PAK5: variants seen among roughly 807,000 people sequenced by gnomAD.
The protein encoded by PAK5 is p21 (RAC1) activated kinase 5.
In PAK5, 16 loss-of-function variants were observed where a neutral mutation model predicts 65.9. That is an observed-to-expected ratio of 0.24 (90% confidence interval 0.16 to 0.37). The LOEUF (loss-of-function observed/expected upper bound fraction) is 0.37, where lower values mean the gene tolerates loss of function less well. Ranked by LOEUF, PAK5 falls within the 10% of genes least tolerant of loss-of-function variation. PAK5 has a pLI of 1.00. For missense variants in PAK5, 785 were observed against 903.9 expected, an observed-to-expected ratio of 0.87 and a Z score of 1.69; for synonymous variants, 371 against 354.9, an observed-to-expected ratio of 1.05 and a Z score of -0.51.
In PAK5 at chr20:9,612,896, TC is replaced by T. The variant is rs368979101; in HGVS notation, c.204+31228del. Among the ~76,000 whole-genome samples the T allele has an allele frequency of 3.7e-3, 568 of 151,496 alleles. 7 individuals carry two copies. Among genetic ancestry groups the T allele is most frequent in the East Asian group, 0.03 (154 of 5,146 alleles). ...GATGTTTATTAGTTTTTACTGTATC[TC>T]CCCCCCCATTAGACTATACAATCTA... On this transcript the variant is annotated intron_variant, in intron 3 of 9. Coordinates refer to ENST00000353224, the MANE Select transcript of PAK5 (RefSeq NM_177990.4).
chr20:9,558,067 C>T (rs2045538360), intron 6 of PAK5, among the ~76,000 whole-genome samples: 2 of 151,416 alleles, frequency 1.3e-5, no homozygotes, highest in African/African-American at 4.9e-5. Context: ...TTCATTCATT[C>T]ATTCTTTGAG....
At chr20:9,627,312 A>G (rs2046857784) in intron 3 of PAK5, among the ~76,000 whole-genome samples, 1 of 152,308 alleles carries the variant, frequency 6.6e-6, no homozygotes, top group Non-Finnish European at 1.5e-5. Flanking sequence ...CCACCCCTAC[A>G]GACTTCAGAA....
chr20:9,758,218 T>G (rs2048657954), intron 1 of PAK5, among the ~76,000 whole-genome samples: 1 of 152,200 alleles, frequency 6.6e-6, no homozygotes, highest in South Asian at 2.1e-4. Context: ...AAGTCATTTA[T>G]CTGAAAATGT....
intron 3 of PAK5, among the ~76,000 whole-genome samples, chr20:9,584,737 A>G (rs548471290): frequency 2.3e-4 from 35 of 152,360 alleles, no homozygotes; most frequent in African/African-American, 8.2e-4. Context: ...ACTGTTTTTT[A>G]AAAGAAAACA....
At chr20:9,747,940 T>G (rs1366167837) in intron 1 of PAK5, among the ~76,000 whole-genome samples, 281 of 152,218 alleles carry the variant, frequency 1.8e-3, no homozygotes, top group Non-Finnish European at 3.0e-3. Flanking sequence ...GAAAACCCCA[T>G]CGTCTCAGCC....
At chr20:9,570,477 T>C (rs1368297781) in intron 4 of PAK5, among the ~76,000 whole-genome samples, 6 of 111,896 alleles carry the variant, frequency 5.4e-5, no homozygotes. Flanking sequence ...TGTGAGTGTG[T>C]GTGTATGATG....
At chr20:9,605,952 G>A (rs1224611340) in intron 3 of PAK5, among the ~76,000 whole-genome samples, 1 of 152,094 alleles carries the variant, frequency 6.6e-6, no homozygotes, top group African/African-American at 2.4e-5. Flanking sequence ...AGAGAATTTA[G>A]ACAGACTAGA....
At chr20:9,556,307 G>C (rs2045505909) in intron 7 of PAK5, among the ~76,000 whole-genome samples, 2 of 152,224 alleles carry the variant, frequency 1.3e-5, no homozygotes, top group Admixed American at 6.5e-5. Flanking sequence ...GATTAGGAGT[G>C]ATCTTTGTCT....
rs150287951 is a variant in PAK5 at position 9,647,398 on chromosome 20, C to A, written c.-11-3059G>T. On this transcript the variant is annotated intron_variant, in intron 2 of 9. Transcript: ENST00000353224. ...TAGCTATGACCATTTTTTAAAAATG[C>A]AAGATGGAAATTATTTCAGAAACAT... 3.4e-3 allele frequency among the ~76,000 whole-genome samples: 519 copies of A among 152,230 alleles called. 1 individual carries two copies. The highest frequency in any genetic ancestry group is 6.1e-3 in the Non-Finnish European group (412 of 68,006).
intron 2 of PAK5, among the ~76,000 whole-genome samples, chr20:9,654,886 G>A (rs1428713800): frequency 2.0e-5 from 3 of 152,092 alleles, no homozygotes; most frequent in Non-Finnish European, 2.9e-5. Context: ...CAGATCAAAT[G>A]GAACTTCCTT....
At chr20:9,810,465 A>T (rs941075324) in intron 1 of PAK5, among the ~76,000 whole-genome samples, 33 of 152,222 alleles carry the variant, frequency 2.2e-4, no homozygotes, top group African/African-American at 7.7e-4. Flanking sequence ...GGATCCCTTG[A>T]GCCCAGGAAG....
intron 7 of PAK5, among the ~76,000 whole-genome samples, chr20:9,548,108 G>T (rs1603195847): frequency 6.6e-6 from 1 of 152,024 alleles, no homozygotes; most frequent in African/African-American, 2.4e-5. Context: ...TTTTCGTGTC[G>T]CCAATTTTAT....
chr20:9,599,893 G>A (rs751276915), intron 3 of PAK5, among the ~76,000 whole-genome samples: 21 of 151,870 alleles, frequency 1.4e-4, no homozygotes, highest in South Asian at 4.1e-4. Context: ...CGGTGCTTGC[G>A]CTTTTGGTGT....
chr20:9,723,736 G>C (rs893032454), intron 1 of PAK5, among the ~76,000 whole-genome samples: 1 of 152,136 alleles, frequency 6.6e-6, no homozygotes, highest in Non-Finnish European at 1.5e-5. Context: ...CCTGGGCAAA[G>C]GCAGCCTAGA....
rs575015489 is a variant in PAK5, at chr20:9,572,137, T to C, written c.991-5753A>G. Among the ~76,000 whole-genome samples, 3 of 151,336 alleles carry C rather than the reference T, an allele frequency of 2.0e-5. No homozygotes were observed. In the East Asian group the frequency reaches 5.8e-4, roughly 29 times the overall value. ...AGAAATGAGCTAAAAAAAAGAGTAG[T>C]CATCACAGCAAAACGAGTTGATTAT... On this transcript the variant is annotated intron_variant, in intron 4 of 9. Transcript: ENST00000353224.
intron 8 of PAK5, 91 bp downstream of exon 8, chr20:9,544,278 C>T (rs2122892867): frequency 2.2e-6 from 3 of 1,352,968 alleles, no homozygotes; most frequent in East Asian, 4.6e-5. Flanking sequence ...AGTCATTGCC[C>T]CCATCTCCTG....
At chr20:9,668,765 T>G (rs927903195) in intron 2 of PAK5, among the ~76,000 whole-genome samples, 3 of 152,226 alleles carry the variant, frequency 2.0e-5, no homozygotes, top group African/African-American at 7.2e-5. Flanking sequence ...TCTGTTCTAC[T>G]GATAAATTTT....
intron 3 of PAK5, among the ~76,000 whole-genome samples, chr20:9,640,056 A>AT (rs1228705473): frequency 4.6e-5 from 7 of 152,068 alleles, no homozygotes; most frequent in African/African-American, 1.7e-4. Flanking sequence ...TAGAATGTTT[A>AT]TTATTTTTTT....
intron 2 of PAK5, among the ~76,000 whole-genome samples, chr20:9,675,478 A>G (rs920086851): frequency 6.6e-6 from 1 of 152,110 alleles, no homozygotes; most frequent in Non-Finnish European, 1.5e-5. Flanking sequence ...ATAAAACTTA[A>G]CAGGTTAATA....
Sources: allele counts gnomAD v4.1 joint callset (sites outside exome capture counted in the v4.1 genomes callset), GRCh38; gene constraint gnomAD v4.1.1; transcripts MANE v1.5; gene names NCBI Gene and HGNC (gene_info 2026-07-23, HGNC 2026-07-21).